Variants in ARID1B observed in about 807,000 individuals in gnomAD.
ARID1B encodes the protein AT-rich interactive domain-containing protein 1B.
Under a neutral mutation model 212.3 loss-of-function variants are expected in ARID1B, and 30 were observed. The ratio of observed to expected loss-of-function variants is 0.14; its 90% CI spans 0.11 to 0.19. The LOEUF (loss-of-function observed/expected upper bound fraction) is 0.19, where lower values mean the gene tolerates loss of function less well. Ranked by LOEUF, ARID1B falls within the 10% of genes least tolerant of loss-of-function variation. ARID1B has a pLI of 1.00. For missense variants in ARID1B, 2,891 were observed against 3,204.0 expected, an observed-to-expected ratio of 0.90 and a Z score of 2.36; for synonymous variants, 1,402 against 1,301.7, an observed-to-expected ratio of 1.08 and a Z score of -1.66.
chr6:157,003,332 G>A lies in ARID1B; in HGVS notation c.2247+67756G>A, dbSNP rs115614278. ...ATGGAGGTTGGGTACTGCAGAGGGT[G>A]AGGGAGCATCATGTGAATGCCTGGC... On this transcript the variant is annotated intron_variant, in intron 4 of 19. Coordinates refer to ENST00000636930, the MANE Select transcript of ARID1B (RefSeq NM_001374828.1). Among the ~76,000 whole-genome samples, 849 of 152,316 alleles carry A rather than the reference G, an allele frequency of 5.6e-3. 7 individuals are homozygous for A. Among genetic ancestry groups the A allele is most frequent in the African/African-American group, 0.02 (819 of 41,568 alleles).
At chr6:156,787,160 A>G (rs1429049735) in intron 1 of ARID1B, among the ~76,000 whole-genome samples, 1 of 152,220 alleles carries the variant, frequency 6.6e-6, no homozygotes, top group African/African-American at 2.4e-5. Context: ...TCAAATTTAT[A>G]TAGAATGGTC....
intron 2 of ARID1B, among the ~76,000 whole-genome samples, chr6:156,841,991 T>A (rs1226161903): frequency 6.6e-6 from 1 of 152,252 alleles, no homozygotes; most frequent in Admixed American, 6.5e-5. Flanking sequence ...ATAAGACTGA[T>A]TATAATTAAA....
chr6:157,175,512 T>G (rs1792042261), intron 11 of ARID1B: 2 of 152,222 alleles, frequency 1.3e-5, no homozygotes, highest in Admixed American at 1.3e-4. Context: ...CAGCCCTGCT[T>G]TATTTTTAAC....
At chr6:156,810,689 G>T (rs1025054675) in intron 1 of ARID1B, among the ~76,000 whole-genome samples, 2 of 152,190 alleles carry the variant, frequency 1.3e-5, no homozygotes, top group African/African-American at 4.8e-5. Flanking sequence ...AGGCCTGAAA[G>T]ATGAGGAATC....
In ARID1B at chr6:157,148,934, G is replaced by C. The variant is rs148749268; in HGVS notation, c.3072G>C (p.Ala1024=). The C allele has an allele frequency of 1.4e-3, 2,266 of 1,611,882 alleles. 3 individuals carry two copies. Among genetic ancestry groups the C allele is most frequent in the Non-Finnish European group, 1.8e-3 (2,124 of 1,179,320 alleles). ...EAAAAVMQAA[A]NSAQSRQGSF... ...CCGCAGCAGTGATGCAGGCTGCTGC[G>C]AACTCAGCACAAAGCAGGTACGCCA... The change falls in exon 8 of 20, where the codon GCG becomes GCC. Residue 1024 remains alanine, a synonymous_variant. Coordinates refer to ENST00000636930, the MANE Select transcript of ARID1B (RefSeq NM_001374828.1). The surrounding 1 kb of genome is among the most constrained non-coding windows in gnomAD (Gnocchi z 5.6).
intron 2 of ARID1B, among the ~76,000 whole-genome samples, chr6:156,891,212 T>C (rs1038692096): frequency 1.3e-5 from 2 of 152,200 alleles, no homozygotes; most frequent in Admixed American, 6.5e-5. Context: ...GCATGAAAAA[T>C]GGTGTTTGAT....
intron 2 of ARID1B, among the ~76,000 whole-genome samples, chr6:156,881,441 TG>T (rs1307739480): frequency 6.6e-6 from 1 of 152,226 alleles, no homozygotes; most frequent in African/African-American, 2.4e-5. Context: ...AATATATGTA[TG>T]TATACAATGT....
intron 4 of ARID1B, among the ~76,000 whole-genome samples, chr6:157,076,720 A>C (rs2128444173): frequency 6.6e-6 from 1 of 152,230 alleles, no homozygotes; most frequent in East Asian, 1.9e-4. Flanking sequence ...AGGAATCTGT[A>C]GGCAAAGTCT....
At chr6:157,058,973 T>A (rs1270104524) in intron 4 of ARID1B, among the ~76,000 whole-genome samples, 2 of 151,942 alleles carry the variant, frequency 1.3e-5, no homozygotes, top group Non-Finnish European at 2.9e-5. Flanking sequence ...CGGATTTTGG[T>A]AGGAAAGATT....
intron 8 of ARID1B, among the ~76,000 whole-genome samples, chr6:157,154,580 G>GTTTTTTTTTTTTTTTTT (rs1274752634): frequency 1.8e-5 from 2 of 111,580 alleles, no homozygotes; most frequent in African/African-American, 7.3e-5. Context: ...TTTTTTTTTT[G>GTTTTTTTTTTTTTTTTT]TTTTTTTTTT....
chr6:157,209,467 T>G lies in ARID1B; in HGVS notation c.*1576T>G. 8.6e-6 allele frequency: 2 copies of G among 232,860 alleles called. No homozygotes were observed. Among genetic ancestry groups the G allele is most frequent in the Non-Finnish European group, 8.5e-6 (1 of 117,756 alleles). The allele number at this position is 232,860 out of a possible 1,614,324, so 14.4% of individuals were successfully genotyped here. ...ATTACTTAGCTAATTAGTCTTTCTT[T>G]GAAGCAATTAACTCTAACGACATTG... is the stretch of plus-strand genomic sequence containing the variant. On this transcript the variant is annotated 3_prime_UTR_variant, in exon 20 of 20. Transcript: ENST00000636930.
At chr6:157,034,918 T>G (rs1282867602) in intron 4 of ARID1B, among the ~76,000 whole-genome samples, 1 of 152,198 alleles carries the variant, frequency 6.6e-6, no homozygotes, top group African/African-American at 2.4e-5. Context: ...TAAATTCGTT[T>G]AAAGGTATAT....
chr6:156,887,818 G>C (rs941990047), intron 2 of ARID1B, among the ~76,000 whole-genome samples: 8 of 152,162 alleles, frequency 5.3e-5, no homozygotes, highest in Admixed American at 5.2e-4. Context: ...ACACGAATGA[G>C]TAATTTATAT....
chr6:157,070,196 A>G (rs1484313132), intron 4 of ARID1B, among the ~76,000 whole-genome samples: 1 of 151,602 alleles, frequency 6.6e-6, no homozygotes, highest in Non-Finnish European at 1.5e-5. Flanking sequence ...GTTACCTTAA[A>G]TTGTTCATTT....
At chr6:156,818,454 G>A (rs1188001394) in intron 1 of ARID1B, among the ~76,000 whole-genome samples, 1 of 152,150 alleles carries the variant, frequency 6.6e-6, no homozygotes, top group Non-Finnish European at 1.5e-5. Context: ...GATTGCTGGG[G>A]AAATTAGTAA....
intron 4 of ARID1B, among the ~76,000 whole-genome samples, chr6:157,048,414 G>A (rs1166159993): frequency 6.6e-6 from 1 of 152,186 alleles, no homozygotes; most frequent in Admixed American, 6.5e-5. Flanking sequence ...CATTTGCAAA[G>A]ATATGCCAAC....
At chr6:157,145,465 C>T (rs1008913004) in intron 7 of ARID1B, among the ~76,000 whole-genome samples, 2 of 152,150 alleles carry the variant, frequency 1.3e-5, no homozygotes, top group African/African-American at 4.8e-5. Flanking sequence ...CGGACAGTGG[C>T]CCGTGCGTCG....
intron 4 of ARID1B, among the ~76,000 whole-genome samples, chr6:156,960,445 G>T (rs1322646282): frequency 1.3e-5 from 2 of 151,028 alleles, no homozygotes; most frequent in South Asian, 2.1e-4. Context: ...TTTTCATTTG[G>T]TATTTAGTTT....
At chr6:156,926,715 C>G (rs1791245766) in intron 3 of ARID1B, among the ~76,000 whole-genome samples, 1 of 152,176 alleles carries the variant, frequency 6.6e-6, no homozygotes, top group South Asian at 2.1e-4. Flanking sequence ...AGGAGTCTCT[C>G]TCTGTTGCCC....
Sources: gnomAD v4.1 joint callset for allele counts (sites outside exome capture counted in the v4.1 genomes callset) on GRCh38, gnomAD v4.1.1 for gene constraint, Gnocchi (gnomAD v3.1) non-coding constraint, MANE v1.5 for transcripts, NCBI Gene and HGNC (gene_info 2026-07-23, HGNC 2026-07-21) for gene names.